Variants in RRM2 observed in about 807,000 individuals in gnomAD.
RRM2 encodes ribonucleotide reductase regulatory subunit M2, also known as ribonucleoside-diphosphate reductase subunit M2.
A neutral mutation model predicts 45.9 loss-of-function variants in RRM2; 6 were observed. That is an observed-to-expected ratio of 0.13 (90% confidence interval 0.07 to 0.26). RRM2 has a LOEUF of 0.26. Ranked by LOEUF, RRM2 falls within the 10% of genes least tolerant of loss-of-function variation. The pLI, the probability that RRM2 is intolerant of heterozygous loss-of-function variation, is 1.00. For missense variants in RRM2, 343 were observed against 489.5 expected (o/e 0.70, Z 2.82); for synonymous variants, 177 against 173.0 (o/e 1.02, Z -0.18).
intron 5 of RRM2, among the ~76,000 whole-genome samples, chr2:10,125,724 G>A (rs1662765231): frequency 6.6e-6 from 1 of 152,192 alleles, no homozygotes; most frequent in African/African-American, 2.4e-5. Context: ...CCAGAACCTT[G>A]TATGGAGTGG....
At chr2:10,153,106 T>C (rs1663350086) in intron 3 of RRM2, among the ~76,000 whole-genome samples, 1 of 151,872 alleles carries the variant, frequency 6.6e-6, no homozygotes, top group Non-Finnish European at 1.5e-5. Flanking sequence ...CCAAAGTAGG[T>C]GAATCACTTG....
At chr2:10,152,004 T>C (rs934630114) in intron 3 of RRM2, among the ~76,000 whole-genome samples, 12 of 151,944 alleles carry the variant, frequency 7.9e-5, no homozygotes, top group Non-Finnish European at 1.3e-4. Flanking sequence ...GTTGGAGTAC[T>C]GTGGCCCCAT....
chr2:10,133,791 C>G (rs1271844371), downstream of RRM2, among the ~76,000 whole-genome samples: 1 of 150,566 alleles, frequency 6.6e-6, no homozygotes, highest in Non-Finnish European at 1.5e-5. Context: ...AGCCTTGGCT[C>G]TAGAGACTGG....
intron 3 of RRM2, among the ~76,000 whole-genome samples, chr2:10,207,157 T>C (rs1664679056): frequency 6.6e-6 from 1 of 152,142 alleles, no homozygotes; most frequent in Admixed American, 6.5e-5. Flanking sequence ...CCACAGTCAC[T>C]TGGGCCAGAA....
chr2:10,182,773 G>A (rs1664087282), intron 3 of RRM2, among the ~76,000 whole-genome samples: 1 of 152,192 alleles, frequency 6.6e-6, no homozygotes, highest in Non-Finnish European at 1.5e-5. Flanking sequence ...GGTCATCACC[G>A]TGACATCCTT....
At chr2:10,166,830 C>T (rs1051372776) in intron 3 of RRM2, among the ~76,000 whole-genome samples, 8 of 152,206 alleles carry the variant, frequency 5.3e-5, no homozygotes, top group Admixed American at 2.0e-4. Flanking sequence ...CAAGCATGAG[C>T]GTGTCTAGAT....
At chr2:10,160,419 C>T (rs569206781) in intron 3 of RRM2, among the ~76,000 whole-genome samples, 116 of 152,348 alleles carry the variant, frequency 7.6e-4, no homozygotes, top group African/African-American at 1.1e-3. Flanking sequence ...AGCTTCACCT[C>T]GGGCTTGCCC....
upstream of RRM2, among the ~76,000 whole-genome samples, chr2:10,138,925 T>A (rs950048799): frequency 2.0e-5 from 3 of 152,060 alleles, no homozygotes; most frequent in Non-Finnish European, 4.4e-5. Flanking sequence ...CTGGCCAACA[T>A]GGTGAAACCC....
chr2:10,164,397 C>T (rs917125528), intron 3 of RRM2, among the ~76,000 whole-genome samples: 1 of 152,182 alleles, frequency 6.6e-6, no homozygotes, highest in Non-Finnish European at 1.5e-5. Context: ...AGCCTCAGAA[C>T]AAGGACTGGC....
chr2:10,164,784 C>T (rs1010508741), intron 3 of RRM2, among the ~76,000 whole-genome samples: 1 of 152,136 alleles, frequency 6.6e-6, no homozygotes, highest in Non-Finnish European at 1.5e-5. Context: ...AAGCCAGGGC[C>T]CCCACTGCCC....
At chr2:10,197,466 G>T (rs910547294) in intron 3 of RRM2, among the ~76,000 whole-genome samples, 5 of 152,188 alleles carry the variant, frequency 3.3e-5, no homozygotes, top group Non-Finnish European at 5.9e-5. Context: ...GCCCCAGGCA[G>T]CACTGGGAAG....
At position 10,126,924 on chromosome 2, in the gene RRM2, G is replaced by A; in HGVS notation, c.619G>A (p.Ala207Thr). Residue 207 changes from alanine to threonine, a missense_variant, in exon 6 of 10, where the codon GCA becomes ACA. Ala to Thr is a moderately conservative substitution (Grantham distance 58, BLOSUM62 0). This residue lies in a region of RRM2 where 212 missense variants were observed against 368.1 expected (regional missense o/e 0.58). Transcript: ENST00000304567. ...AACGATGCCTTGTGTCAAGAAGAAG[G>A]CAGACTGGGCCTTGCGCTGGATTGG... ...IETMPCVKKK[A>T]DWALRWIGDK... 6.2e-7 allele frequency: 1 copy of A among 1,614,158 alleles called. No individual in the cohort carries two copies. The highest frequency in any genetic ancestry group is 8.5e-7 in the Non-Finnish European group (1 of 1,180,024).
At chr2:10,157,761 TATG>T (rs1256031982) in intron 3 of RRM2, among the ~76,000 whole-genome samples, 1 of 152,178 alleles carries the variant, frequency 6.6e-6, no homozygotes, top group Non-Finnish European at 1.5e-5. Context: ...TTTTTAAAAT[TATG>T]AATAACTCTA....
intron 3 of RRM2, among the ~76,000 whole-genome samples, chr2:10,190,236 A>ATGGTGGTGATGGTGGTGG (rs1255168941): frequency 7.1e-6 from 1 of 140,642 alleles, no homozygotes; most frequent in East Asian, 2.3e-4. Flanking sequence ...GATGGTGATG[A>ATGGTGGTGATGGTGGTGG]TGGTGGTGAT....
chr2:10,169,261 C>T lies in RRM2; in HGVS notation n.482+26886C>T, dbSNP rs1019324903. Among the ~76,000 whole-genome samples, 13 of 151,570 alleles carry T rather than the reference C, an allele frequency of 8.6e-5. No homozygotes were observed. The highest frequency in any genetic ancestry group is 1.2e-4 in the African/African-American group (5 of 41,194). ...CCACAGTGCTGGGATTACAGGTGTG[C>T]GCCACTGTGCCCAGCTGCTTCTCTT... On this transcript the variant is annotated intron_variant and non_coding_transcript_variant, in intron 3 of 3. Transcript: ENST00000381786. The surrounding 1 kb of genome is among the most constrained non-coding windows in gnomAD (Gnocchi z 5.1).
chr2:10,202,883 G>T (rs1664593176), intron 3 of RRM2, among the ~76,000 whole-genome samples: 1 of 151,570 alleles, frequency 6.6e-6, no homozygotes, highest in Non-Finnish European at 1.5e-5. Flanking sequence ...CAGGCGAGAG[G>T]CACTGTTCCC....
chr2:10,163,647 A>G (rs1000382253), intron 3 of RRM2, among the ~76,000 whole-genome samples: 9 of 152,220 alleles, frequency 5.9e-5, no homozygotes, highest in Non-Finnish European at 1.2e-4. Context: ...GGTGCCAGAA[A>G]GGCCTGAAGA....
intron 3 of RRM2, among the ~76,000 whole-genome samples, chr2:10,144,810 G>A (rs994371469): frequency 2.6e-5 from 4 of 152,136 alleles, no homozygotes; most frequent in Non-Finnish European, 5.9e-5. Context: ...TAAATGGTAC[G>A]ACATTGAGCA....
chr2:10,124,670 G>A, intron 4 of RRM2, 47 bp from the exon 5 acceptor site: 5 of 1,609,568 alleles, frequency 3.1e-6, no homozygotes, highest in Non-Finnish European at 4.2e-6. Context: ...GACAGTTGCT[G>A]CTGTTGGTTT....
Sources: gnomAD v4.1 joint callset for allele counts (sites outside exome capture counted in the v4.1 genomes callset) on GRCh38, gnomAD v4.1.1 for gene constraint, gnomAD v4.1.1 regional missense constraint, Gnocchi (gnomAD v3.1) non-coding constraint, MANE v1.5 for transcripts, NCBI Gene and HGNC (gene_info 2026-07-23, HGNC 2026-07-21) for gene names.